Variants in AGBL3 observed in about 807,000 individuals in gnomAD.
AGBL3 encodes AGBL carboxypeptidase 3, also known as cytosolic carboxypeptidase 3.
A neutral mutation model predicts 94.5 loss-of-function variants in AGBL3; 68 were observed. That is an observed-to-expected ratio of 0.72 (90% CI 0.59 to 0.88). AGBL3 has a LOEUF of 0.88. Among genes scored for constraint, AGBL3 ranks in the 40% least tolerant of loss-of-function variants. AGBL3 has a pLI of 0.00. For synonymous variants in AGBL3, 354 were observed against 370.7 expected (o/e 0.95, Z 0.52); for missense variants, 934 against 1,103.8 (o/e 0.85, Z 2.18).
chr7:135,029,165 TAA>T (rs899410732), intron 5 of AGBL3, among the ~76,000 whole-genome samples: 1 of 152,200 alleles, frequency 6.6e-6, no homozygotes, highest in Non-Finnish European at 1.5e-5. Flanking sequence ...GGCTTCCACT[TAA>T]AGTCACCAGC....
At chr7:135,086,485 A>C (rs1215677659) in intron 15 of AGBL3, among the ~76,000 whole-genome samples, 1 of 151,970 alleles carries the variant, frequency 6.6e-6, no homozygotes, top group Non-Finnish European at 1.5e-5. Context: ...GTTGAGGTAC[A>C]TTCCTTCCAT....
intron 14 of AGBL3, among the ~76,000 whole-genome samples, chr7:135,080,717 ATC>A (rs1158570246): frequency 6.8e-6 from 1 of 147,432 alleles, no homozygotes; most frequent in African/African-American, 2.5e-5. Flanking sequence ...TCTGATGTGA[ATC>A]TTTAACTGAC....
intron 11 of AGBL3, among the ~76,000 whole-genome samples, chr7:135,050,307 G>A (rs895288767): frequency 6.6e-6 from 1 of 151,926 alleles, no homozygotes; most frequent in East Asian, 1.9e-4. Context: ...CCTAACATGT[G>A]ATCTATCCTG....
intron 15 of AGBL3, among the ~76,000 whole-genome samples, chr7:135,104,120 C>G (rs1000160436): frequency 2.6e-5 from 4 of 152,010 alleles, no homozygotes; most frequent in Non-Finnish European, 5.9e-5. Flanking sequence ...CTTTGTGTCC[C>G]TATGTTCTCA....
intron 8 of AGBL3, among the ~76,000 whole-genome samples, chr7:135,040,796 G>T (rs1286745064): frequency 6.7e-6 from 1 of 148,850 alleles, no homozygotes; most frequent in Non-Finnish European, 1.5e-5. Context: ...AAAGAAAGGT[G>T]AAGGCAGACA....
intron 4 of AGBL3, among the ~76,000 whole-genome samples, chr7:135,014,414 C>T (rs974459437): frequency 6.6e-6 from 1 of 151,980 alleles, no homozygotes; most frequent in Non-Finnish European, 1.5e-5. Flanking sequence ...TCCTGGATAT[C>T]CCTTTTATAA....
At chr7:135,048,826 C>T (rs921474865) in intron 11 of AGBL3, among the ~76,000 whole-genome samples, 1 of 150,684 alleles carries the variant, frequency 6.6e-6, no homozygotes, top group African/African-American at 2.4e-5. Flanking sequence ...GAAACAGGGA[C>T]AATTTTACTT....
At chr7:135,061,684 G>A (rs1030205309) in intron 12 of AGBL3, among the ~76,000 whole-genome samples, 2 of 151,912 alleles carry the variant, frequency 1.3e-5, no homozygotes, top group Non-Finnish European at 2.9e-5. Context: ...TCTGTCAAAA[G>A]TCAATTGACT....
intron 15 of AGBL3, among the ~76,000 whole-genome samples, chr7:135,090,496 G>C (rs1260625345): frequency 6.6e-6 from 1 of 152,146 alleles, no homozygotes; most frequent in Admixed American, 6.5e-5. Flanking sequence ...AGCTCAGCCA[G>C]GGCACCGATC....
intron 12 of AGBL3, among the ~76,000 whole-genome samples, chr7:135,059,856 T>C (rs1689082386): frequency 6.6e-6 from 1 of 152,192 alleles, no homozygotes; most frequent in Non-Finnish European, 1.5e-5. Flanking sequence ...AAGTAGATAC[T>C]AGGTATATTA....
rs373081168 is a variant in AGBL3, at chr7:135,094,247, CA to C, written c.2110+12463del. 763 of 385,066 alleles carry C rather than the reference CA, an allele frequency of 2.0e-3. 14 individuals are homozygous for C. The highest frequency in any genetic ancestry group is 0.012 in the South Asian group (599 of 50,528). 23.9% of individuals were successfully genotyped at this position (385,066 alleles called of 1,614,324 possible). A position where few individuals can be genotyped will look rare whatever the true frequency, so the allele number is the denominator to read the frequency against. On this transcript the variant is annotated intron_variant, in intron 15 of 16. Transcript: ENST00000436302. ...GTCAACATTCCTGTCCTTACAACAA[CA>C]AAAAAGCTGAACAAACTAAAAATCA...
chr7:135,051,642 G>GA (rs1019034916), intron 11 of AGBL3, among the ~76,000 whole-genome samples: 4 of 151,860 alleles, frequency 2.6e-5, no homozygotes, highest in African/African-American at 7.3e-5. Flanking sequence ...GTTTTCATGA[G>GA]AAAAAATCTT....
intron 15 of AGBL3, among the ~76,000 whole-genome samples, chr7:135,101,752 G>C (rs1430215914): frequency 1.3e-5 from 2 of 152,146 alleles, no homozygotes; most frequent in Non-Finnish European, 1.5e-5. Flanking sequence ...GGGCAGAAAA[G>C]ATTGGCCCAG....
chr7:135,134,412 C>CA (rs1562912344), intron 16 of AGBL3, among the ~76,000 whole-genome samples: 1 of 152,038 alleles, frequency 6.6e-6, no homozygotes, highest in Non-Finnish European at 1.5e-5. Flanking sequence ...CTCTTAGACT[C>CA]ACGTTGATTT....
intron 4 of AGBL3, among the ~76,000 whole-genome samples, chr7:134,994,779 G>A (rs1810776445): frequency 6.6e-6 from 1 of 152,100 alleles, no homozygotes; most frequent in Non-Finnish European, 1.5e-5. Flanking sequence ...AGAGGACAAA[G>A]GTAATTTTTC....
chr7:135,090,619 G>T (rs1040600314), intron 15 of AGBL3, among the ~76,000 whole-genome samples: 1 of 152,128 alleles, frequency 6.6e-6, no homozygotes, highest in African/African-American at 2.4e-5. Flanking sequence ...AGGTACTGGG[G>T]TACGTGACCA....
intron 5 of AGBL3, among the ~76,000 whole-genome samples, chr7:135,026,491 T>C (rs1292453170): frequency 1.3e-5 from 2 of 151,322 alleles, no homozygotes; most frequent in East Asian, 4.1e-4. Context: ...GCCAGGGTGG[T>C]CTCGAACTCC....
At chr7:135,043,337 A>C (rs924018233) in intron 8 of AGBL3, among the ~76,000 whole-genome samples, 7 of 152,194 alleles carry the variant, frequency 4.6e-5, no homozygotes, top group Non-Finnish European at 8.8e-5. Flanking sequence ...TAAATGAAAT[A>C]AGCTAGGGAC....
chr7:135,102,259 T>G (rs534748586), intron 15 of AGBL3, among the ~76,000 whole-genome samples: 1 of 152,362 alleles, frequency 6.6e-6, no homozygotes, highest in South Asian at 2.1e-4. Context: ...TAAAGTTTCT[T>G]CATTAGGTCT....
Sources: allele counts gnomAD v4.1 joint callset (sites outside exome capture counted in the v4.1 genomes callset), GRCh38; gene constraint gnomAD v4.1.1; transcripts MANE v1.5; gene names NCBI Gene and HGNC (gene_info 2026-07-23, HGNC 2026-07-21).